The following FAM193A variants were observed in gnomAD, a reference collection of about 807,000 sequenced individuals.
FAM193A encodes family with sequence similarity 193 member A.
A neutral mutation model predicts 126.5 loss-of-function variants in FAM193A; 22 were observed. The ratio of observed to expected loss-of-function variants is 0.17; its 90% CI spans 0.12 to 0.25. FAM193A has a LOEUF of 0.25. FAM193A is among the 10% of genes least tolerant of loss of function. The pLI is 1.00. For synonymous variants in FAM193A, 761 were observed against 646.8 expected, an observed-to-expected ratio of 1.18 and a Z score of -2.68; for missense variants, 1,675 against 1,672.8, an observed-to-expected ratio of 1.00 and a Z score of -0.02.
At chr4:2,611,737 TAGAC>T (rs755006286) in intron 2 of FAM193A, among the ~76,000 whole-genome samples, 7 of 152,240 alleles carry the variant, frequency 4.6e-5, no homozygotes, top group Non-Finnish European at 8.8e-5. Flanking sequence ...AGCCCTTTAT[TAGAC>T]AGGCTTCACA....
At chr4:2,633,128 T>C (rs966599059) in intron 5 of FAM193A, among the ~76,000 whole-genome samples, 1 of 152,146 alleles carries the variant, frequency 6.6e-6, no homozygotes, top group Admixed American at 6.5e-5. Flanking sequence ...CCGGGTGCGG[T>C]GGCTCACGCC....
intron 19 of FAM193A, among the ~76,000 whole-genome samples, chr4:2,712,747 C>T (rs1006378135): frequency 6.6e-6 from 1 of 151,928 alleles, no homozygotes; most frequent in African/African-American, 2.4e-5. Context: ...TTTCTATTTA[C>T]TGTTTTGTTT....
intron 5 of FAM193A, among the ~76,000 whole-genome samples, chr4:2,636,132 C>T (rs570294280): frequency 8.6e-5 from 13 of 151,054 alleles, no homozygotes; most frequent in East Asian, 5.9e-4. Flanking sequence ...CTCATGATCT[C>T]GGCTCACTGC....
At chr4:2,551,054 C>T (rs183990524) in intron 1 of FAM193A, among the ~76,000 whole-genome samples, 2 of 152,248 alleles carry the variant, frequency 1.3e-5, no homozygotes, top group East Asian at 1.9e-4. Context: ...CCTGCCTTGG[C>T]CTCCTAAAGT....
intron 7 of FAM193A, 145 bp downstream of exon 7, chr4:2,646,977 T>C (rs1406421059): frequency 1.1e-6 from 1 of 881,660 alleles, no homozygotes; most frequent in Non-Finnish European, 1.6e-6. Context: ...AGCCCCTGTG[T>C]GTTAGCTGCT....
chr4:2,710,851 CTTTTTTTTT>C (rs35045989), intron 19 of FAM193A, among the ~76,000 whole-genome samples: 1 of 116,298 alleles, frequency 8.6e-6, no homozygotes, highest in Non-Finnish European at 1.7e-5. Flanking sequence ...TCTGTGCTTT[CTTTTTTTTT>C]TTTTTTTTTG....
chr4:2,715,297 T>C (rs906214845), intron 19 of FAM193A: 1 of 155,404 alleles, frequency 6.4e-6, no homozygotes, highest in Admixed American at 6.5e-5. Flanking sequence ...ACCCTGTCTC[T>C]ACCAAAAATA....
Position 2,596,095 on chromosome 4 carries a change from T to C in FAM193A, c.267T>C (p.Ser89=), listed in dbSNP as rs1404636929. ...APGGYFETPF[S]FGMNHRTPPY... is the part of the protein sequence containing the mutation. ...TTTTTCTATTCCAGACTCCTTTTAGTTTTGGCATGAATCATAGGACACCAC... is the reference window on the plus strand; with the variant it reads ...TTTTTCTATTCCAGACTCCTTTTAGCTTTGGCATGAATCATAGGACACCAC... Residue 89 remains serine, a synonymous_variant, in exon 2 of 21, where the codon AGT becomes AGC. Coordinates refer to ENST00000637812, the MANE Select transcript of FAM193A (RefSeq NM_001366318.2). The C allele has an allele frequency of 4.3e-6, 3 of 701,020 alleles. No homozygotes were observed. The highest frequency in any genetic ancestry group is 7.8e-6 in the Non-Finnish European group (3 of 383,750). 43.4% of individuals were successfully genotyped at this position (701,020 alleles called of 1,614,324 possible).
chr4:2,548,881 A>T (rs186144090), intron 1 of FAM193A, among the ~76,000 whole-genome samples: 1 of 151,122 alleles, frequency 6.6e-6, no homozygotes, highest in African/African-American at 2.4e-5. Context: ...GGTTATGAAG[A>T]TTTTTTTCCT....
chr4:2,626,373 T>G (rs1742965297), intron 3 of FAM193A, 37 bp from the exon 4 acceptor site: 1 of 684,028 alleles, frequency 1.5e-6, no homozygotes, highest in Non-Finnish European at 2.7e-6. Flanking sequence ...GGCAGCAGAT[T>G]GTGGTGACTT....
intron 7 of FAM193A, among the ~76,000 whole-genome samples, chr4:2,648,028 C>T (rs1399494437): frequency 6.6e-6 from 1 of 152,134 alleles, no homozygotes; most frequent in Admixed American, 6.5e-5. Flanking sequence ...TTCACAGCTA[C>T]AGGCCGTGTT....
At chr4:2,679,603 C>T (rs1206044854) in intron 13 of FAM193A, among the ~76,000 whole-genome samples, 1 of 151,788 alleles carries the variant, frequency 6.6e-6, no homozygotes, top group Non-Finnish European at 1.5e-5. Flanking sequence ...GTCTCGAACT[C>T]CCGACCTCAG....
Position 2,667,086 on chromosome 4 carries a change from T to G in FAM193A, c.2079+3798T>G, listed in dbSNP as rs192214480. Among the ~76,000 whole-genome samples the G allele has an allele frequency of 5.2e-5, 8 of 152,388 alleles. No individual in the cohort carries two copies. The East Asian group carries it at 1.3e-3, about 26-fold the overall frequency. Reference sequence around the variant, plus strand: ...TGAGACTTGTTGATGGCCTAACATATAGTTTACCTAGATCCTGTTCTATGT... The same window carrying G: ...TGAGACTTGTTGATGGCCTAACATAGAGTTTACCTAGATCCTGTTCTATGT... On this transcript the variant is annotated intron_variant, in intron 12 of 20. Coordinates refer to ENST00000637812, the MANE Select transcript of FAM193A (RefSeq NM_001366318.2).
At position 2,617,241 on chromosome 4, in the gene FAM193A, TA is replaced by T. The variant is rs1560484749; in HGVS notation, c.502-8020del. 9.8e-3 allele frequency among the ~76,000 whole-genome samples: 137 copies of T among 13,942 alleles called. 32 individuals carry two copies. The highest frequency in any genetic ancestry group is 0.067 in the African/African-American group (121 of 1,816). The allele number at this position is 13,942 out of a possible 152,430, so 9.1% of individuals were successfully genotyped here. Reference sequence around the variant, plus strand: ...GTATTGGTCAGAAGTATGTTTTTATTATATATATATATATATATATATTTTT... The same window carrying T: ...GTATTGGTCAGAAGTATGTTTTTATTTATATATATATATATATATATTTTT... On this transcript the variant is annotated intron_variant, in intron 2 of 20. Coordinates refer to ENST00000637812, the MANE Select transcript of FAM193A (RefSeq NM_001366318.2).
At chr4:2,620,076 T>G (rs1055122881) in intron 2 of FAM193A, among the ~76,000 whole-genome samples, 4 of 152,208 alleles carry the variant, frequency 2.6e-5, no homozygotes, top group Non-Finnish European at 5.9e-5. Context: ...ATGCTGGACA[T>G]TGTGAATTTT....
chr4:2,704,273 A>AC (rs2109325519), intron 19 of FAM193A, among the ~76,000 whole-genome samples: 1 of 151,734 alleles, frequency 6.6e-6, no homozygotes, highest in Non-Finnish European at 1.5e-5. Context: ...AAAAAAAAAA[A>AC]AAAAAATTAA....
chr4:2,691,760 T>C (rs113243678), intron 15 of FAM193A, among the ~76,000 whole-genome samples: 3 of 140,370 alleles, frequency 2.1e-5, no homozygotes, highest in African/African-American at 7.7e-5. Flanking sequence ...GGCAACATAG[T>C]GAGACCCCGT....
intron 13 of FAM193A, among the ~76,000 whole-genome samples, chr4:2,680,078 C>T (rs1714927357): frequency 6.6e-6 from 1 of 151,962 alleles, no homozygotes; most frequent in Non-Finnish European, 1.5e-5. Context: ...CCAGGCTGGT[C>T]TCAAACTCCT....
At chr4:2,702,461 C>G (rs1246077764) in intron 19 of FAM193A, among the ~76,000 whole-genome samples, 1 of 152,182 alleles carries the variant, frequency 6.6e-6, no homozygotes, top group African/African-American at 2.4e-5. Context: ...GTTCAGAAAC[C>G]CAGACCTGGA....
Sources: allele counts gnomAD v4.1 joint callset (sites outside exome capture counted in the v4.1 genomes callset), GRCh38; gene constraint gnomAD v4.1.1; transcripts MANE v1.5; gene names NCBI Gene and HGNC (gene_info 2026-07-23, HGNC 2026-07-21).